The following TRPS1 variants were observed in gnomAD, a reference collection of about 807,000 sequenced individuals.
TRPS1 encodes transcriptional repressor GATA binding 1.
Under a neutral mutation model 101.2 loss-of-function variants are expected in TRPS1, and 6 were observed. The observed-to-expected ratio is 0.06, with a 90% CI of 0.03 to 0.12. The LOEUF (loss-of-function observed/expected upper bound fraction) is 0.12. TRPS1 is among the 10% of genes least tolerant of loss of function. TRPS1 has a pLI of 1.00. For missense variants in TRPS1, 1,363 were observed against 1,567.0 expected, an observed-to-expected ratio of 0.87 and a Z score of 2.20; for synonymous variants, 578 against 589.8, an observed-to-expected ratio of 0.98 and a Z score of 0.29.
Position 115,426,011 on chromosome 8 carries a change from T to A in TRPS1, c.2701-7559A>T, listed in dbSNP as rs77625578. On this transcript the variant is annotated intron_variant, in intron 5 of 6. Coordinates refer to ENST00000395715, the MANE Select transcript of TRPS1 (RefSeq NM_014112.5). Reference sequence around the variant, plus strand: ...TGGTTGAAAATTTATGTCTGCACTGTCTTTTTTTTCATTCCACGTGAAAGT... The same window carrying A: ...TGGTTGAAAATTTATGTCTGCACTGACTTTTTTTTCATTCCACGTGAAAGT... Among the ~76,000 whole-genome samples, 10 of 152,320 alleles carry A rather than the reference T, an allele frequency of 6.6e-5. No individual in the cohort carries two copies. In the East Asian group the frequency reaches 1.9e-3, roughly 29 times the overall value.
At chr8:115,655,642 A>C (rs375946943) in intron 1 of TRPS1, among the ~76,000 whole-genome samples, 1 of 152,190 alleles carries the variant, frequency 6.6e-6, no homozygotes, top group African/African-American at 2.4e-5. Flanking sequence ...TTTGTCAAAA[A>C]ACATTTCATC....
At chr8:115,507,870 T>C (rs750359110) in intron 5 of TRPS1, among the ~76,000 whole-genome samples, 5 of 152,116 alleles carry the variant, frequency 3.3e-5, no homozygotes, top group African/African-American at 7.2e-5. Flanking sequence ...AGAATCCTAA[T>C]GTACTGCTTA....
At chr8:115,499,370 A>G (rs1304073439) in intron 5 of TRPS1, among the ~76,000 whole-genome samples, 1 of 152,244 alleles carries the variant, frequency 6.6e-6, no homozygotes, top group Non-Finnish European at 1.5e-5. Flanking sequence ...TCATAATGCT[A>G]CATAAAAATA....
chr8:115,659,759 A>C (rs1399623128), intron 1 of TRPS1, among the ~76,000 whole-genome samples: 1 of 152,036 alleles, frequency 6.6e-6, no homozygotes, highest in African/African-American at 2.4e-5. Context: ...AGTAGGCACA[A>C]GTAGAATTTG....
intron 5 of TRPS1, among the ~76,000 whole-genome samples, chr8:115,537,461 A>T (rs1161452694): frequency 6.6e-6 from 1 of 152,186 alleles, no homozygotes; most frequent in East Asian, 1.9e-4. Context: ...AATAAAGCTA[A>T]GAAAATCACA....
chr8:115,628,901 T>C (rs1003823151), intron 1 of TRPS1, among the ~76,000 whole-genome samples: 1 of 151,806 alleles, frequency 6.6e-6, no homozygotes, highest in Non-Finnish European at 1.5e-5. Flanking sequence ...GTATAATACA[T>C]ATCCCTCCCA....
intron 5 of TRPS1, among the ~76,000 whole-genome samples, chr8:115,451,336 A>G (rs1458859926): frequency 1.3e-5 from 2 of 151,356 alleles, no homozygotes; most frequent in East Asian, 1.9e-4. Flanking sequence ...TTTTTTTTCA[A>G]TGAGTATTTT....
At chr8:115,421,560 T>C (rs919751619) in intron 5 of TRPS1, among the ~76,000 whole-genome samples, 8 of 152,172 alleles carry the variant, frequency 5.3e-5, no homozygotes, top group Non-Finnish European at 2.9e-5. Context: ...TGTTCGCACC[T>C]AGAATTCAAT....
rs780641075 is a variant in TRPS1 at position 115,619,411 on chromosome 8, A to C, written c.687T>G (p.Ser229=). 1.2e-6 allele frequency: 2 copies of C among 1,614,076 alleles called. No homozygotes were observed. The highest frequency in any genetic ancestry group is 4.5e-5 in the East Asian group (2 of 44,898). Residue 229 remains serine, a synonymous_variant, in exon 3 of 7, where the codon TCT becomes TCG. Coordinates refer to ENST00000395715, the MANE Select transcript of TRPS1 (RefSeq NM_014112.5). The part of the protein sequence containing the change: ...VNDNPDPAPL[S]PELQDFKCNI... ...TGCATTTAAAGTCCTGAAGCTCTGG[A>C]GACAGAGGTGCCGGGTCTGGGTTGT...
At chr8:115,590,147 A>AAT (rs1167365378) in intron 4 of TRPS1, among the ~76,000 whole-genome samples, 1 of 152,118 alleles carries the variant, frequency 6.6e-6, no homozygotes, top group Non-Finnish European at 1.5e-5. Flanking sequence ...AACAAAAAAA[A>AAT]CCCACACACA....
intron 3 of TRPS1, among the ~76,000 whole-genome samples, chr8:115,611,043 G>C (rs1463823069): frequency 1.3e-5 from 2 of 151,740 alleles, no homozygotes; most frequent in Non-Finnish European, 2.9e-5. Context: ...CTTGAGCCTG[G>C]GGGGCGGAGG....
At chr8:115,499,943 CTTTCTTTCTTTCTTTCTTTCTTTTCT>C (rs775571452) in intron 5 of TRPS1, among the ~76,000 whole-genome samples, 135 of 112,846 alleles carry the variant, frequency 1.2e-3, no homozygotes, top group East Asian at 7.9e-3. Context: ...TTCTTTCTTT[CTTTCTTTCTTTCTTTCTTTCTTTTCT>C]TTTCTTTTCT....
At chr8:115,644,272 G>A (rs1167154205) in intron 1 of TRPS1, among the ~76,000 whole-genome samples, 2 of 152,150 alleles carry the variant, frequency 1.3e-5, no homozygotes, top group Non-Finnish European at 2.9e-5. Context: ...GTTTAGTGTA[G>A]CCACTTTCAT....
chr8:115,571,025 A>T (rs1047440934), intron 5 of TRPS1, among the ~76,000 whole-genome samples: 10 of 152,190 alleles, frequency 6.6e-5, no homozygotes, highest in Non-Finnish European at 2.9e-5. Flanking sequence ...CCCAAGTGTA[A>T]ACTCCAACTG....
chr8:115,536,808 T>C (rs1005478302), intron 5 of TRPS1, among the ~76,000 whole-genome samples: 5 of 151,736 alleles, frequency 3.3e-5, no homozygotes, highest in South Asian at 2.1e-4. Flanking sequence ...GTTTTTTTTT[T>C]CCCTCTTAGT....
chr8:115,473,359 A>T (rs1814520746), intron 5 of TRPS1, among the ~76,000 whole-genome samples: 1 of 152,158 alleles, frequency 6.6e-6, no homozygotes, highest in African/African-American at 2.4e-5. Context: ...TCTCATGAGA[A>T]TTCACTCACT....
At chr8:115,446,245 C>T (rs780535236) in intron 5 of TRPS1, among the ~76,000 whole-genome samples, 25 of 150,710 alleles carry the variant, frequency 1.7e-4, no homozygotes, top group Non-Finnish European at 3.5e-4. Flanking sequence ...ACATCATCTA[C>T]ATAAAAAGGA....
intron 5 of TRPS1, among the ~76,000 whole-genome samples, chr8:115,458,253 T>C (rs1277448379): frequency 1.3e-5 from 2 of 152,166 alleles, no homozygotes; most frequent in African/African-American, 2.4e-5. Context: ...AGAGGCACCA[T>C]TGAGCTGCTC....
chr8:115,541,709 C>A (rs1816458226), intron 5 of TRPS1, among the ~76,000 whole-genome samples: 1 of 152,148 alleles, frequency 6.6e-6, no homozygotes, highest in Non-Finnish European at 1.5e-5. Flanking sequence ...TAAGAAGCTA[C>A]TCATCCTTAA....
Sources: gnomAD v4.1 joint callset for allele counts (sites outside exome capture counted in the v4.1 genomes callset) on GRCh38, gnomAD v4.1.1 for gene constraint, MANE v1.5 for transcripts, NCBI Gene and HGNC (gene_info 2026-07-23, HGNC 2026-07-21) for gene names.